The following IL16 variants were observed in gnomAD, a reference collection of about 807,000 sequenced individuals.
IL16 encodes the protein interleukin 16.
IL16 carries 67 observed loss-of-function variants against 110.1 expected under a neutral mutation model. That is an observed-to-expected ratio of 0.61 (90% CI 0.50 to 0.75). The LOEUF (loss-of-function observed/expected upper bound fraction) is 0.75. IL16 is among the 30% of genes least tolerant of loss of function. The probability of loss-of-function intolerance (pLI) is 0.00; values close to 1 mark genes in which losing one functional copy is unlikely to be tolerated. For synonymous variants in IL16, 689 were observed against 662.9 expected (o/e 1.04, Z -0.61); for missense variants, 1,545 against 1,655.0 (o/e 0.93, Z 1.15).
At chr15:81,234,835 A>G (rs186390368) in intron 2 of IL16, among the ~76,000 whole-genome samples, 19 of 152,334 alleles carry the variant, frequency 1.2e-4, no homozygotes, top group Non-Finnish European at 2.1e-4. Flanking sequence ...TATGTTAAAA[A>G]TACATGTTCT....
intron 2 of IL16, among the ~76,000 whole-genome samples, chr15:81,240,648 A>C (rs1320349791): frequency 6.6e-6 from 1 of 152,110 alleles, no homozygotes; most frequent in Non-Finnish European, 1.5e-5. Flanking sequence ...ATTTTATAGA[A>C]ACTTCAATGT....
At chr15:81,276,115 T>C (rs980672385) in intron 6 of IL16, among the ~76,000 whole-genome samples, 2 of 152,234 alleles carry the variant, frequency 1.3e-5, no homozygotes, top group African/African-American at 4.8e-5. Flanking sequence ...TATATTCTGA[T>C]GTTTTAAATG....
At chr15:81,210,908 C>T (rs867736913) in intron 1 of IL16, among the ~76,000 whole-genome samples, 1 of 152,144 alleles carries the variant, frequency 6.6e-6, no homozygotes, top group Admixed American at 6.6e-5. Context: ...AGTGGGCATC[C>T]TTGTCTTATT....
At chr15:81,229,785 G>A (rs1031701100) in intron 2 of IL16, among the ~76,000 whole-genome samples, 5 of 152,004 alleles carry the variant, frequency 3.3e-5, no homozygotes, top group Non-Finnish European at 5.9e-5. Flanking sequence ...GCCTCCCCTC[G>A]CCAGAGTGGC....
chr15:81,231,224 GA>G (rs1896959258), intron 2 of IL16, among the ~76,000 whole-genome samples: 1 of 151,252 alleles, frequency 6.6e-6, no homozygotes, highest in Non-Finnish European at 1.5e-5. Flanking sequence ...CCTTGTCTCT[GA>G]AAAAAGGAAG....
At chr15:81,212,308 T>A (rs1359329417) in intron 1 of IL16, among the ~76,000 whole-genome samples, 3 of 152,212 alleles carry the variant, frequency 2.0e-5, no homozygotes, top group Admixed American at 2.0e-4. Flanking sequence ...CAGTATTCTC[T>A]GAAGAATGTT....
intron 2 of IL16, among the ~76,000 whole-genome samples, chr15:81,238,070 A>T (rs899057126): frequency 6.6e-6 from 1 of 151,830 alleles, no homozygotes; most frequent in Admixed American, 6.6e-5. Flanking sequence ...AGCCTGGCTA[A>T]TTTTTGTATT....
chr15:81,256,177 A>G (rs1897937648), intron 2 of IL16, among the ~76,000 whole-genome samples: 1 of 152,130 alleles, frequency 6.6e-6, no homozygotes, highest in Non-Finnish European at 1.5e-5. Flanking sequence ...TGTTGAATGA[A>G]TGAGTGTTAC....
intron 2 of IL16, among the ~76,000 whole-genome samples, chr15:81,251,364 C>T (rs60493572): frequency 0.24 from 36,049 of 152,016 alleles, 4,956 homozygotes; most frequent in African/African-American, 0.37. Context: ...ATGGATCTCA[C>T]TTTGTTGCCC....
intron 3 of IL16, among the ~76,000 whole-genome samples, chr15:81,264,487 C>T (rs1898288678): frequency 1.3e-5 from 2 of 152,174 alleles, no homozygotes; most frequent in South Asian, 4.1e-4. Context: ...TATAAATAAG[C>T]TTAAGTCTTT....
chr15:81,218,974 C>A (rs1434947372), intron 1 of IL16, among the ~76,000 whole-genome samples: 1 of 151,450 alleles, frequency 6.6e-6, no homozygotes, highest in Non-Finnish European at 1.5e-5. Flanking sequence ...AGGCAATAAG[C>A]TAAGTATCTC....
chr15:81,242,434 A>G (rs1254402814), intron 2 of IL16, among the ~76,000 whole-genome samples: 5 of 152,168 alleles, frequency 3.3e-5, no homozygotes. Context: ...TGTAGTTTGT[A>G]GCATACAAGT....
chr15:81,251,855 A>G (rs1897780181), intron 2 of IL16, among the ~76,000 whole-genome samples: 1 of 152,196 alleles, frequency 6.6e-6, no homozygotes, highest in Non-Finnish European at 1.5e-5. Flanking sequence ...AATATTACCT[A>G]CAGTTTTTTT....
Position 81,303,797 on chromosome 15 carries a change from T to A in IL16, c.3420+147T>A. The A allele has an allele frequency of 1.6e-6, 1 of 635,164 alleles. No individual in the cohort carries two copies. The highest frequency in any genetic ancestry group is 2.7e-5 in the East Asian group (1 of 36,954). 39.3% of individuals were successfully genotyped at this position (635,164 alleles called of 1,614,324 possible). A position where few individuals can be genotyped will look rare whatever the true frequency, so the allele number is the denominator to read the frequency against. ...GGGCAGGTCCTGTCCACTCAGCACA[T>A]CCCAGAGCCTGGGGCTGCGTGGAGA... On this transcript the variant is annotated intron_variant, in intron 16 of 18. Coordinates refer to ENST00000683961, the MANE Select transcript of IL16 (RefSeq NM_172217.5). This position sits in a 1 kb window ranked among gnomAD's most constrained non-coding sequence, Gnocchi z 4.1.
intron 2 of IL16, among the ~76,000 whole-genome samples, chr15:81,232,152 A>G (rs1026209328): frequency 1.3e-5 from 2 of 149,084 alleles, no homozygotes; most frequent in African/African-American, 4.9e-5. Context: ...TTATAGATCA[A>G]TCTGAAGAAG....
intron 1 of IL16, chr15:81,188,488 C>A: frequency 2.2e-6 from 1 of 453,518 alleles, no homozygotes; most frequent in South Asian, 1.6e-5. Context: ...GATGAGGAAG[C>A]TGATGCTCAG....
At chr15:81,250,785 A>C (rs1242018561) in intron 2 of IL16, among the ~76,000 whole-genome samples, 1 of 152,222 alleles carries the variant, frequency 6.6e-6, no homozygotes, top group African/African-American at 2.4e-5. Flanking sequence ...TCCTCCTTCC[A>C]TTCAGGGTCA....
chr15:81,190,138 C>A (rs963800863), intron 1 of IL16, among the ~76,000 whole-genome samples: 1 of 152,184 alleles, frequency 6.6e-6, no homozygotes, highest in African/African-American at 2.4e-5. Flanking sequence ...AAAGGCAAGA[C>A]CCCAAACTGA....
intron 12 of IL16, among the ~76,000 whole-genome samples, chr15:81,296,534 T>A (rs887543187): frequency 3.3e-5 from 5 of 152,160 alleles, no homozygotes; most frequent in Admixed American, 3.3e-4. Context: ...AGCTGCCAGG[T>A]TTTTTTGCTG....
Sources: allele counts gnomAD v4.1 joint callset (sites outside exome capture counted in the v4.1 genomes callset), GRCh38; gene constraint gnomAD v4.1.1; non-coding constraint Gnocchi (gnomAD v3.1); transcripts MANE v1.5; gene names NCBI Gene and HGNC (gene_info 2026-07-23, HGNC 2026-07-21).